The following CUL5 variants were observed in gnomAD, a reference collection of about 807,000 sequenced individuals.
CUL5 encodes the protein cullin-5.
Under a neutral mutation model 108.8 loss-of-function variants are expected in CUL5, and 26 were observed. The observed-to-expected ratio is 0.24, with a 90% confidence interval of 0.18 to 0.33. The LOEUF is 0.33. CUL5 is among the 10% of genes least tolerant of loss of function. The probability of loss-of-function intolerance (pLI) is 1.00; values close to 1 mark genes in which losing one functional copy is unlikely to be tolerated. For synonymous variants in CUL5, 334 were observed against 298.0 expected (o/e 1.12, Z -1.25); for missense variants, 524 against 909.2 (o/e 0.58, Z 5.45).
At position 108,098,436 on chromosome 11, in the gene CUL5, A is replaced by G; in HGVS notation, c.2055A>G (p.Lys685=). Residue 685 remains lysine, a synonymous_variant, in exon 18 of 19, where the codon AAA becomes AAG. Coordinates refer to ENST00000393094, the MANE Select transcript of CUL5 (RefSeq NM_003478.6). ...IKNAKVQKRG[K]INLIGRLQLT... The stretch of plus-strand genomic sequence containing the variant: ...ATGCAAAGGTTCAGAAAAGGGGTAA[A>G]ATCAACTTGATTGGACGTTTGCAGC... 6.2e-7 allele frequency: 1 copy of G among 1,606,470 alleles called. No homozygotes were observed. Among genetic ancestry groups the G allele is most frequent in the Non-Finnish European group, 8.5e-7 (1 of 1,176,922 alleles).
In CUL5 at chr11:108,009,072, G is replaced by A. The variant is rs559198563; in HGVS notation, c.-277G>A. On this transcript the variant is annotated 5_prime_UTR_variant, in exon 1 of 19. Transcript: ENST00000393094. The stretch of plus-strand genomic sequence containing the variant: ...CCTCTTCCAAGTCAGGTCGGCTCCC[G>A]TTACCTTCTCAGCATTCGCCGTTCC... The A allele has an allele frequency of 5.4e-5, 28 of 522,044 alleles. No individual in the cohort carries two copies. In the South Asian group the frequency reaches 7.5e-4, roughly 14 times the overall value. 32.3% of individuals were successfully genotyped at this position (522,044 alleles called of 1,614,324 possible).
At chr11:108,049,577 A>G (rs1308860134) in intron 3 of CUL5, among the ~76,000 whole-genome samples, 3 of 151,934 alleles carry the variant, frequency 2.0e-5, no homozygotes, top group Non-Finnish European at 4.4e-5. Flanking sequence ...TCCTGAGCTC[A>G]AGCAATCCTC....
At chr11:108,064,545 T>TA (rs796969611) in intron 7 of CUL5, among the ~76,000 whole-genome samples, 48 of 151,690 alleles carry the variant, frequency 3.2e-4, no homozygotes, top group African/African-American at 5.8e-4. Context: ...CCATCTCTAC[T>TA]AAAAAAAATA....
chr11:108,020,518 A>T, intron 1 of CUL5, among the ~76,000 whole-genome samples: 1 of 149,750 alleles, frequency 6.7e-6, no homozygotes, highest in Non-Finnish European at 1.5e-5. Flanking sequence ...ATGTTTGTGC[A>T]GCTGAATGTG....
chr11:108,092,644 A>G (rs1034150717), intron 13 of CUL5, among the ~76,000 whole-genome samples: 2 of 152,218 alleles, frequency 1.3e-5, no homozygotes, highest in African/African-American at 4.8e-5. Flanking sequence ...CAGAATAGGC[A>G]AATCCACAAA....
intron 13 of CUL5, among the ~76,000 whole-genome samples, chr11:108,093,190 T>C (rs562991620): frequency 6.6e-6 from 1 of 152,362 alleles, no homozygotes; most frequent in Admixed American, 6.5e-5. Flanking sequence ...GTAGTTTGAA[T>C]AGCTTTTGCC....
At chr11:108,075,434 T>G (rs1863919332) in intron 10 of CUL5, among the ~76,000 whole-genome samples, 1 of 152,198 alleles carries the variant, frequency 6.6e-6, no homozygotes, top group Non-Finnish European at 1.5e-5. Flanking sequence ...TGGGTGCATG[T>G]GCAGATACTA....
At chr11:108,073,357 T>C (rs1863871001) in intron 9 of CUL5, 33 bp from the exon 10 acceptor site, 1 of 1,034,858 alleles carries the variant, frequency 9.7e-7, no homozygotes, top group East Asian at 2.4e-5. Flanking sequence ...TCTTTTTCTT[T>C]TAAAAACTTA....
chr11:108,054,576 A>G (rs2271852), intron 5 of CUL5, 71 bp from the exon 6 acceptor site: 721,132 of 1,104,682 alleles, frequency 0.65, 239,450 homozygotes, highest in East Asian at 0.9. Flanking sequence ...CTCAATATTT[A>G]TTTCATTTAT....
At chr11:108,058,430 A>G (rs1365281920) in intron 7 of CUL5, among the ~76,000 whole-genome samples, 1 of 151,064 alleles carries the variant, frequency 6.6e-6, no homozygotes, top group Non-Finnish European at 1.5e-5. Flanking sequence ...TTGTATTTTT[A>G]GTAGAGACAG....
At chr11:108,078,313 A>G (rs1863990375) in intron 11 of CUL5, 73 bp downstream of exon 11, 3 of 731,862 alleles carry the variant, frequency 4.1e-6, no homozygotes, top group Non-Finnish European at 4.4e-6. Context: ...CTAGGTATAC[A>G]AAGTACCCTG....
intron 1 of CUL5, among the ~76,000 whole-genome samples, chr11:108,023,353 T>C (rs1302308201): frequency 6.6e-6 from 1 of 152,208 alleles, no homozygotes; most frequent in Non-Finnish European, 1.5e-5. Context: ...TTTAATACAG[T>C]GCAATTTATA....
intron 7 of CUL5, among the ~76,000 whole-genome samples, chr11:108,057,386 C>G (rs953387084): frequency 6.6e-6 from 1 of 151,980 alleles, no homozygotes; most frequent in African/African-American, 2.4e-5. Flanking sequence ...AGTATCGTCC[C>G]CAAGATATTT....
At chr11:108,057,767 A>T (rs1385206808) in intron 7 of CUL5, among the ~76,000 whole-genome samples, 1 of 152,096 alleles carries the variant, frequency 6.6e-6, no homozygotes, top group African/African-American at 2.4e-5. Flanking sequence ...AATGAATAAG[A>T]CCTAGAGTTA....
Position 108,008,902 on chromosome 11 carries a change from GT to G in CUL5, c.-446del, listed in dbSNP as rs1047769587. ...GGCTCCCACGCTCGCTCCCGAGCGC[GT>G]CCCCGCCCTCGCGTCACGTGACGTG... is the stretch of plus-strand genomic sequence containing the variant. On this transcript the variant is annotated 5_prime_UTR_variant, in exon 1 of 19. Coordinates refer to ENST00000393094, the MANE Select transcript of CUL5 (RefSeq NM_003478.6). 1.8e-5 allele frequency: 3 copies of G among 163,166 alleles called. No individual in the cohort carries two copies. The highest frequency in any genetic ancestry group is 7.2e-5 in the African/African-American group (3 of 41,836). 10.1% of individuals were successfully genotyped at this position (163,166 alleles called of 1,614,324 possible).
intron 1 of CUL5, among the ~76,000 whole-genome samples, chr11:108,025,702 GT>G (rs1862435608): frequency 6.6e-6 from 1 of 152,042 alleles, no homozygotes; most frequent in Non-Finnish European, 1.5e-5. Flanking sequence ...GTCTCTTACA[GT>G]TTTCTCACAC....
Position 108,105,089 on chromosome 11 carries a change from G to T in CUL5, c.*705G>T, listed in dbSNP as rs1864760335. 6.6e-6 allele frequency: 1 copy of T among 151,398 alleles called. No homozygotes were observed. The allele number at this position is 151,398 out of a possible 1,614,324, so 9.4% of individuals were successfully genotyped here. A position where few individuals can be genotyped will look rare whatever the true frequency, so the allele number is the denominator to read the frequency against. On this transcript the variant is annotated 3_prime_UTR_variant, in exon 19 of 19. Transcript: ENST00000393094. ...AGGAGTTTTTTTTTTTTTAAATATG[G>T]CTGGAAAGCTTGTTTTGAAAAATGA...
At chr11:108,078,086 T>G (rs2135199351) in intron 10 of CUL5, 90 bp from the exon 11 acceptor site, 2 of 719,250 alleles carry the variant, frequency 2.8e-6, no homozygotes, top group Middle Eastern at 4.0e-4. Flanking sequence ...AAATAAAAAC[T>G]AACATATTTT....
At chr11:108,102,560 G>A (rs1295211327) in intron 18 of CUL5, among the ~76,000 whole-genome samples, 3 of 151,704 alleles carry the variant, frequency 2.0e-5, no homozygotes, top group Non-Finnish European at 2.9e-5. Context: ...CAAACTCCAC[G>A]ACTCAAACGA....
Sources: gnomAD v4.1 joint callset for allele counts (sites outside exome capture counted in the v4.1 genomes callset) on GRCh38, gnomAD v4.1.1 for gene constraint, MANE v1.5 for transcripts, NCBI Gene and HGNC (gene_info 2026-07-23, HGNC 2026-07-21) for gene names.